ABCC1: variants seen among roughly 807,000 people sequenced by gnomAD.
The protein encoded by ABCC1 is multidrug resistance-associated protein 1.
Under a neutral mutation model 172.9 loss-of-function variants are expected in ABCC1, and 83 were observed. The ratio of observed to expected loss-of-function variants is 0.48; its 90% CI spans 0.40 to 0.58. ABCC1 has a LOEUF of 0.58. ABCC1 is among the 20% of genes least tolerant of loss of function. The pLI is 0.00. For missense variants in ABCC1, 1,817 were observed against 2,002.7 expected (o/e 0.91, Z 1.77); for synonymous variants, 937 against 825.2 (o/e 1.14, Z -2.32).
intron 18 of ABCC1, among the ~76,000 whole-genome samples, chr16:16,088,516 C>G (rs187669391): frequency 6.6e-6 from 1 of 152,274 alleles, no homozygotes; most frequent in Non-Finnish European, 1.5e-5. Flanking sequence ...TAATTCTTCT[C>G]TTAGAGAGCA....
chr16:16,087,437 A>G (rs2051054513), intron 18 of ABCC1, among the ~76,000 whole-genome samples: 1 of 152,056 alleles, frequency 6.6e-6, no homozygotes, highest in Non-Finnish European at 1.5e-5. Flanking sequence ...ATGGGTACAC[A>G]CTGGCTCTTT....
rs11863228 is a variant in ABCC1 at position 15,966,811 on chromosome 16, C to T, written c.48+17012C>T. Among the ~76,000 whole-genome samples, 1,344 of 151,774 alleles carry T rather than the reference C, an allele frequency of 8.9e-3. 31 individuals carry two copies. Among genetic ancestry groups the T allele is most frequent in the African/African-American group, 0.031 (1,287 of 41,380 alleles). ...GATTATAGATGCTTGTCAACATGCC[C>T]AGCTAATTTTTAATTTTTTTTAGAG... On this transcript the variant is annotated intron_variant, in intron 1 of 30. Transcript: ENST00000399410.
Position 16,083,537 on chromosome 16 carries a change from G to T in ABCC1, c.2287G>T (p.Glu763Ter). 1 of 1,612,690 alleles carries T rather than the reference G, an allele frequency of 6.2e-7. No individual in the cohort carries two copies. Residue 763 changes from glutamate (E) to a stop codon, truncating the protein, a stop_gained, in exon 17 of 31, where the codon GAG (glutamate) becomes TAG (stop). Transcript: ENST00000399410. LOFTEE classifies it high-confidence loss of function. ...LPSGDRTEIG[E>*]KGVNLSGGQK... ...CAGTGGGGATCGGACAGAGATTGGC[G>T]AGAAGGTCAGTATAGGTTGGATGTT...
At chr16:16,087,658 CAT>C (rs45513595) in intron 18 of ABCC1, among the ~76,000 whole-genome samples, 4,283 of 152,214 alleles carry the variant, frequency 0.028, 90 homozygotes, top group East Asian at 0.051. Context: ...GAGGTTTCAC[CAT>C]GTTGGTCAGG....
chr16:16,022,085 G>A (rs1035148797), intron 5 of ABCC1, among the ~76,000 whole-genome samples: 2 of 152,206 alleles, frequency 1.3e-5, no homozygotes, highest in Non-Finnish European at 2.9e-5. Flanking sequence ...CAGAGCAGCA[G>A]CAGGCCATCC....
intron 19 of ABCC1, among the ~76,000 whole-genome samples, chr16:16,092,083 C>A (rs1240054792): frequency 6.6e-6 from 1 of 152,134 alleles, no homozygotes; most frequent in Non-Finnish European, 1.5e-5. Context: ...ACTAAAAATA[C>A]AAAAATTATC....
At chr16:16,048,372 G>T in intron 10 of ABCC1, 69 bp downstream of exon 10, 1 of 1,574,834 alleles carries the variant, frequency 6.3e-7, no homozygotes, top group Non-Finnish European at 8.7e-7. Context: ...TGGGCCGAGG[G>T]AGTGGGTGTT....
At position 15,966,070 on chromosome 16, in the gene ABCC1, A is replaced by G. The variant is rs16955252; in HGVS notation, c.48+16271A>G. 4.5e-3 allele frequency among the ~76,000 whole-genome samples: 689 copies of G among 152,140 alleles called. 6 individuals carry two copies. Among genetic ancestry groups the G allele is most frequent in the African/African-American group, 0.015 (631 of 41,516 alleles). ...CCAGCTCACCGTTCTAGCAGGGTCT[A>G]AGGTTACTTACTGCTGTGGTTATTA... On this transcript the variant is annotated intron_variant, in intron 1 of 30. Coordinates refer to ENST00000399410, the MANE Select transcript of ABCC1 (RefSeq NM_004996.4).
chr16:15,998,402 C>T (rs563150172), intron 1 of ABCC1, among the ~76,000 whole-genome samples: 17 of 152,324 alleles, frequency 1.1e-4, no homozygotes, highest in African/African-American at 3.8e-4. Flanking sequence ...GCTGGGTTTA[C>T]AGGCGTGAGC....
At chr16:16,087,806 A>G (rs755126375) in intron 18 of ABCC1, among the ~76,000 whole-genome samples, 6 of 152,306 alleles carry the variant, frequency 3.9e-5, no homozygotes, top group Non-Finnish European at 5.9e-5. Context: ...GGGCATATAG[A>G]TTAAGAAAAA....
At chr16:16,045,679 G>C (rs1048434201) in intron 8 of ABCC1, among the ~76,000 whole-genome samples, 157 bp from the exon 9 acceptor site, 2 of 152,186 alleles carry the variant, frequency 1.3e-5, no homozygotes, top group African/African-American at 4.8e-5. Context: ...TGCACAGCCA[G>C]ATCACCACTG....
At chr16:16,094,794 C>T (rs1438671169) in intron 19 of ABCC1, among the ~76,000 whole-genome samples, 5 of 144,278 alleles carry the variant, frequency 3.5e-5, no homozygotes, top group Non-Finnish European at 6.0e-5. Flanking sequence ...GGATTACAGG[C>T]GTGAGCCACT....
intron 19 of ABCC1, among the ~76,000 whole-genome samples, chr16:16,101,003 C>A (rs146150691): frequency 1.7e-3 from 250 of 150,740 alleles, no homozygotes; most frequent in African/African-American, 5.7e-3. Flanking sequence ...TTCTTTTATT[C>A]GTGTTTTTTA....
At chr16:16,113,659 A>T (rs1203649547) in intron 22 of ABCC1, among the ~76,000 whole-genome samples, 1 of 152,164 alleles carries the variant, frequency 6.6e-6, no homozygotes, top group Non-Finnish European at 1.5e-5. Flanking sequence ...ACCCCATCTC[A>T]AAAGAAAAAT....
intron 1 of ABCC1, among the ~76,000 whole-genome samples, chr16:15,950,325 T>A (rs1218963853): frequency 6.6e-6 from 1 of 152,076 alleles, no homozygotes; most frequent in Admixed American, 6.5e-5. Context: ...TCTTCTGTGG[T>A]TACCTAGCTT....
chr16:16,057,464 C>G (rs142509407), intron 12 of ABCC1, among the ~76,000 whole-genome samples: 1 of 151,062 alleles, frequency 6.6e-6, no homozygotes, highest in Non-Finnish European at 1.5e-5. Context: ...TTTGTCGTTT[C>G]TCTTGACTGC....
rs1019508938 is a variant in ABCC1, at chr16:16,107,569, G to T, written c.2871+696G>T. 3.3e-5 allele frequency among the ~76,000 whole-genome samples: 5 copies of T among 152,104 alleles called. No homozygotes were observed. The South Asian group carries it at 8.3e-4, about 25-fold the overall frequency. On this transcript the variant is annotated intron_variant, in intron 21 of 30. Transcript: ENST00000399410. ...CCTCCCAAAATGCTGGGATTACAGG[G>T]GTGAGCACCGCGTCCTGCCTGTTTT...
At chr16:15,986,653 G>T (rs77120809) in intron 1 of ABCC1, among the ~76,000 whole-genome samples, 1 of 152,170 alleles carries the variant, frequency 6.6e-6, no homozygotes, top group Admixed American at 6.5e-5. Context: ...GCCAAAAAGC[G>T]TGGGGACCTC....
At chr16:16,041,930 C>T (rs909330512) in intron 7 of ABCC1, among the ~76,000 whole-genome samples, 1 of 152,142 alleles carries the variant, frequency 6.6e-6, no homozygotes, top group African/African-American at 2.4e-5. Flanking sequence ...ATCCCTGTCT[C>T]TGCTAAAAAT....
Sources: gnomAD v4.1 joint callset for allele counts (sites outside exome capture counted in the v4.1 genomes callset) on GRCh38, gnomAD v4.1.1 for gene constraint, MANE v1.5 for transcripts, NCBI Gene and HGNC (gene_info 2026-07-23, HGNC 2026-07-21) for gene names.